MMP16: variants seen among roughly 807,000 people sequenced by gnomAD.
The protein encoded by MMP16 is matrix metallopeptidase 16.
MMP16 carries 12 observed loss-of-function variants against 67.8 expected under a neutral mutation model. The observed-to-expected ratio is 0.18, with a 90% CI of 0.11 to 0.29. The LOEUF is 0.29. MMP16 is among the 10% of genes least tolerant of loss of function. The pLI, the probability that MMP16 is intolerant of heterozygous loss-of-function variation, is 1.00. For synonymous variants in MMP16, 249 were observed against 255.9 expected (o/e 0.97, Z 0.26); for missense variants, 475 against 765.7 (o/e 0.62, Z 4.48).
At chr8:88,053,312 C>A (rs1169093640) in intron 8 of MMP16, among the ~76,000 whole-genome samples, 1 of 152,128 alleles carries the variant, frequency 6.6e-6, no homozygotes, top group Non-Finnish European at 1.5e-5. Flanking sequence ...CTGTGTTTGC[C>A]TAGTAGATTA....
chr8:88,081,346 G>C (rs2118308881), intron 6 of MMP16, among the ~76,000 whole-genome samples: 1 of 152,256 alleles, frequency 6.6e-6, no homozygotes, highest in African/African-American at 2.4e-5. Flanking sequence ...AAAGCATGGA[G>C]AAAAAGCAAA....
chr8:88,323,638 T>C (rs754069342), intron 1 of MMP16, among the ~76,000 whole-genome samples: 2 of 152,174 alleles, frequency 1.3e-5, no homozygotes, highest in Non-Finnish European at 2.9e-5. Context: ...TCCCTGGAAA[T>C]GTATGCTATT....
intron 4 of MMP16, among the ~76,000 whole-genome samples, chr8:88,156,300 T>C (rs1323336043): frequency 6.6e-6 from 1 of 152,080 alleles, no homozygotes; most frequent in Non-Finnish European, 1.5e-5. Flanking sequence ...ATGCATCTGG[T>C]ACGTACAGCT....
chr8:88,215,014 T>A (rs774728027), intron 1 of MMP16, among the ~76,000 whole-genome samples: 2 of 152,138 alleles, frequency 1.3e-5, no homozygotes, highest in African/African-American at 2.4e-5. Flanking sequence ...CATTATTGAA[T>A]AGATAGAAAT....
chr8:88,139,907 CCTT>C (rs1400905768), intron 4 of MMP16, among the ~76,000 whole-genome samples: 2 of 151,964 alleles, frequency 1.3e-5, no homozygotes, highest in Non-Finnish European at 2.9e-5. Flanking sequence ...TAGAAAATAA[CCTT>C]CTTTTCTTTT....
At chr8:88,106,925 G>A (rs747610603) in intron 6 of MMP16, among the ~76,000 whole-genome samples, 32 of 150,858 alleles carry the variant, frequency 2.1e-4, no homozygotes, top group Non-Finnish European at 4.3e-4. Flanking sequence ...AATCTATCAA[G>A]GTATTATGAA....
At chr8:88,187,016 T>C (rs1809086527) in intron 2 of MMP16, among the ~76,000 whole-genome samples, 1 of 152,182 alleles carries the variant, frequency 6.6e-6, no homozygotes, top group African/African-American at 2.4e-5. Flanking sequence ...TTCTAATCTA[T>C]TACCTGAGTT....
chr8:88,230,430 T>C (rs1432092190), intron 1 of MMP16, among the ~76,000 whole-genome samples: 3 of 152,158 alleles, frequency 2.0e-5, no homozygotes, highest in Non-Finnish European at 4.4e-5. Flanking sequence ...AATTTGACCA[T>C]GTGAGCATTT....
chr8:88,263,092 C>T (rs534268491), intron 1 of MMP16, among the ~76,000 whole-genome samples: 1 of 151,854 alleles, frequency 6.6e-6, no homozygotes, highest in African/African-American at 2.4e-5. Flanking sequence ...TGTCGATACA[C>T]CACTATCATT....
chr8:88,130,759 CGT>C (rs112295025), intron 4 of MMP16, among the ~76,000 whole-genome samples: 18,981 of 146,450 alleles, frequency 0.13, 1,306 homozygotes, highest in African/African-American at 0.15. Flanking sequence ...TTGTGAAATA[CGT>C]GTGTGTGTGT....
chr8:88,192,021 T>C (rs891861168), intron 2 of MMP16, among the ~76,000 whole-genome samples: 27 of 152,362 alleles, frequency 1.8e-4, no homozygotes, highest in Non-Finnish European at 3.4e-4. Context: ...CAGGATAATA[T>C]GTTAAACAAG....
chr8:88,223,133 C>T (rs1176198092), intron 1 of MMP16, among the ~76,000 whole-genome samples: 2 of 152,214 alleles, frequency 1.3e-5, no homozygotes, highest in East Asian at 3.9e-4. Flanking sequence ...CAAATCAAAA[C>T]CACAATGAGA....
At chr8:88,172,435 T>C (rs1015832502) in intron 3 of MMP16, among the ~76,000 whole-genome samples, 1 of 152,220 alleles carries the variant, frequency 6.6e-6, no homozygotes, top group African/African-American at 2.4e-5. Flanking sequence ...TTTTATGCCA[T>C]GTATTTTGTA....
chr8:88,179,798 C>T (rs1040086360), intron 3 of MMP16, among the ~76,000 whole-genome samples: 6 of 151,942 alleles, frequency 3.9e-5, no homozygotes, highest in African/African-American at 1.5e-4. Context: ...AAGGTCACCA[C>T]TTAAAAATAA....
chr8:88,104,232 T>C (rs1809196511), intron 6 of MMP16, among the ~76,000 whole-genome samples: 1 of 151,780 alleles, frequency 6.6e-6, no homozygotes, highest in African/African-American at 2.4e-5. Context: ...ATCTTTTCTA[T>C]GCCTTGTCAA....
intron 6 of MMP16, among the ~76,000 whole-genome samples, chr8:88,088,191 C>T (rs1361731869): frequency 1.4e-5 from 2 of 147,704 alleles, no homozygotes; most frequent in East Asian, 2.0e-4. Flanking sequence ...TCCTGACCCA[C>T]AAAATGGTGA....
rs940708375 is a variant in MMP16 at position 88,058,029 on chromosome 8, A to G, written c.1223-1751T>C. Reference sequence around the variant, plus strand: ...TTACTTTAAGTAAAAAGGTCAGGGAAGACCTCTCTGAAGAAATACACCAAA... The same window carrying G: ...TTACTTTAAGTAAAAAGGTCAGGGAGGACCTCTCTGAAGAAATACACCAAA... On this transcript the variant is annotated intron_variant, in intron 7 of 9. Coordinates refer to ENST00000286614, the MANE Select transcript of MMP16 (RefSeq NM_005941.5). This position sits in a 1 kb window ranked among gnomAD's most constrained non-coding sequence, Gnocchi z 4.2. Among the ~76,000 whole-genome samples the G allele has an allele frequency of 6.6e-6, 1 of 152,180 alleles. No individual in the cohort carries two copies. Among genetic ancestry groups the G allele is most frequent in the Non-Finnish European group, 1.5e-5 (1 of 68,028 alleles).
intron 4 of MMP16, among the ~76,000 whole-genome samples, chr8:88,144,649 T>C (rs1563544736): frequency 6.6e-6 from 1 of 151,706 alleles, no homozygotes; most frequent in Non-Finnish European, 1.5e-5. Context: ...AAGGTAAGAG[T>C]AATTGGAATT....
At chr8:88,102,140 GTGATCAATTCTGCA>G (rs1278664667) in intron 6 of MMP16, among the ~76,000 whole-genome samples, 3 of 151,844 alleles carry the variant, frequency 2.0e-5, no homozygotes, top group African/African-American at 7.2e-5. Flanking sequence ...CAGCAAGTGT[GTGATCAATTCTGCA>G]GTGGATATCA....
Sources: allele counts gnomAD v4.1 joint callset (sites outside exome capture counted in the v4.1 genomes callset), GRCh38; gene constraint gnomAD v4.1.1; non-coding constraint Gnocchi (gnomAD v3.1); transcripts MANE v1.5; gene names NCBI Gene and HGNC (gene_info 2026-07-23, HGNC 2026-07-21).